The following TLL2 variants were observed in gnomAD, a reference collection of about 807,000 sequenced individuals.
TLL2 encodes tolloid-like protein 2.
TLL2 carries 106 observed loss-of-function variants against 123.0 expected under a neutral mutation model. That is an observed-to-expected ratio of 0.86 (90% CI 0.74 to 1.01). TLL2 has a LOEUF of 1.01. Among genes scored for constraint, TLL2 ranks in the 50% least tolerant of loss-of-function variants. The pLI is 0.00. For missense variants in TLL2, 1,332 were observed against 1,336.7 expected, an observed-to-expected ratio of 1.00 and a Z score of 0.06; for synonymous variants, 494 against 516.8, an observed-to-expected ratio of 0.96 and a Z score of 0.60.
At chr10:96,477,026 A>C (rs1323133675) in intron 2 of TLL2, among the ~76,000 whole-genome samples, 1 of 121,830 alleles carries the variant, frequency 8.2e-6, no homozygotes, top group Non-Finnish European at 1.6e-5. Flanking sequence ...ATTATGAGCT[A>C]CTGGACTTTT....
chr10:96,422,903 G>A (rs942225085), intron 5 of TLL2, among the ~76,000 whole-genome samples, 176 bp from the exon 6 acceptor site: 10 of 152,140 alleles, frequency 6.6e-5, no homozygotes, highest in Non-Finnish European at 1.3e-4. Context: ...CGAGGTGGGC[G>A]GATCACCTGA....
At chr10:96,485,994 G>C (rs1012083288) in intron 1 of TLL2, among the ~76,000 whole-genome samples, 1 of 152,182 alleles carries the variant, frequency 6.6e-6, no homozygotes, top group Non-Finnish European at 1.5e-5. Context: ...TGGGAGAAGG[G>C]AACAGATGAA....
chr10:96,400,135 T>C (rs1846379083), intron 10 of TLL2, among the ~76,000 whole-genome samples: 1 of 152,234 alleles, frequency 6.6e-6, no homozygotes. Flanking sequence ...TTATTGACTA[T>C]GTCTATGCCA....
intron 1 of TLL2, among the ~76,000 whole-genome samples, chr10:96,496,833 G>A (rs1236025582): frequency 6.6e-6 from 1 of 152,232 alleles, no homozygotes; most frequent in Non-Finnish European, 1.5e-5. Context: ...CCCACTCAAT[G>A]GGTGGTGCTT....
chr10:96,467,979 C>G (rs1004867383), intron 2 of TLL2, among the ~76,000 whole-genome samples: 3 of 152,116 alleles, frequency 2.0e-5, no homozygotes, highest in African/African-American at 7.2e-5. Flanking sequence ...AGTATTTTCC[C>G]ATGACAACAG....
intron 1 of TLL2, among the ~76,000 whole-genome samples, chr10:96,495,096 C>G (rs1227929483): frequency 1.3e-5 from 2 of 152,130 alleles, no homozygotes; most frequent in African/African-American, 4.8e-5. Context: ...CAAGCCACTC[C>G]AATAACTTCC....
At chr10:96,496,643 C>T (rs749466532) in intron 1 of TLL2, among the ~76,000 whole-genome samples, 21 of 152,350 alleles carry the variant, frequency 1.4e-4, no homozygotes, top group Non-Finnish European at 2.2e-4. Flanking sequence ...TGCATCAATA[C>T]ATTACAGAAA....
At chr10:96,423,417 G>A (rs781013876) in intron 5 of TLL2, among the ~76,000 whole-genome samples, 1 of 152,146 alleles carries the variant, frequency 6.6e-6, no homozygotes, top group Non-Finnish European at 1.5e-5. Flanking sequence ...TGTCTATAAT[G>A]CATGCAACTT....
intron 1 of TLL2, among the ~76,000 whole-genome samples, chr10:96,484,780 T>C (rs1847342343): frequency 1.3e-5 from 2 of 152,160 alleles, no homozygotes; most frequent in South Asian, 4.1e-4. Context: ...CAAATATAAT[T>C]TGAAATTTGA....
Position 96,368,181 on chromosome 10 carries a change from A to G in TLL2, c.2955T>C (p.Ile985=), listed in dbSNP as rs1172055041. The change falls in exon 21 of 21, where the codon ATT becomes ATC. Residue 985 remains isoleucine, a synonymous_variant. Transcript: ENST00000357947. ...TGATGGTGTCATCTGTGCGGAATCG[A>G]ATCATCAGGGAATCACCTGCAGAGT... ...EIYSAGDSLM[I]RFRTDDTINK... is the part of the protein sequence containing the mutation. The G allele has an allele frequency of 6.2e-7, 1 of 1,614,198 alleles. No homozygotes were observed. Among genetic ancestry groups the G allele is most frequent in the Non-Finnish European group, 8.5e-7 (1 of 1,180,040 alleles).
At chr10:96,430,710 T>C (rs1002156802) in intron 4 of TLL2, among the ~76,000 whole-genome samples, 3 of 152,030 alleles carry the variant, frequency 2.0e-5, no homozygotes, top group African/African-American at 7.2e-5. Context: ...ACCCTGTCTC[T>C]ACAAACACTT....
In TLL2 at chr10:96,513,700, G is replaced by A. The variant is rs111793048; in HGVS notation, c.-15C>T. 3.7e-3 allele frequency: 5,589 copies of A among 1,500,520 alleles called. 109 individuals are homozygous for A. The African/African-American group carries it at 0.056, about 15-fold the overall frequency. The allele number at this position is 1,500,520 out of a possible 1,614,324, so 93.0% of individuals were successfully genotyped here. On this transcript the variant is annotated 5_prime_UTR_variant, in exon 1 of 21. Coordinates refer to ENST00000357947, the MANE Select transcript of TLL2 (RefSeq NM_012465.4). ...GCCCGGGGCATGGTGGCGCGGGGCC[G>A]GCTGGGGCAGAGGGAGTTGCGTGCA... is the stretch of plus-strand genomic sequence containing the variant.
At chr10:96,494,634 T>C (rs926394193) in intron 1 of TLL2, among the ~76,000 whole-genome samples, 1 of 152,230 alleles carries the variant, frequency 6.6e-6, no homozygotes, top group Non-Finnish European at 1.5e-5. Flanking sequence ...TAATCACAAA[T>C]ATTCTGCAGT....
intron 2 of TLL2, among the ~76,000 whole-genome samples, chr10:96,468,309 A>C (rs986168909): frequency 2.6e-5 from 4 of 152,076 alleles, no homozygotes; most frequent in Non-Finnish European, 5.9e-5. Context: ...TAGCTGCCGG[A>C]GGCATTCAGT....
Position 96,451,296 on chromosome 10 carries a change from C to T in TLL2, c.287-5128G>A, listed in dbSNP as rs193066581. Among the ~76,000 whole-genome samples the T allele has an allele frequency of 4.8e-3, 736 of 152,290 alleles. 6 individuals carry two copies. The highest frequency in any genetic ancestry group is 5.2e-3 in the Non-Finnish European group (356 of 68,028). ...TTCTTTGGGAAAGCCCAATTTTCTTCCGCTCTCAACAAAAAGTGCCTTAAT... is the reference window on the plus strand; with the variant it reads ...TTCTTTGGGAAAGCCCAATTTTCTTTCGCTCTCAACAAAAAGTGCCTTAAT... On this transcript the variant is annotated intron_variant, in intron 2 of 20. Transcript: ENST00000357947.
chr10:96,423,225 T>A (rs1430942067), intron 5 of TLL2, among the ~76,000 whole-genome samples: 1 of 151,930 alleles, frequency 6.6e-6, no homozygotes, highest in Non-Finnish European at 1.5e-5. Context: ...AGAAATTCCC[T>A]CCAAAAATGG....
At chr10:96,371,320 CAAA>C (rs113456838) in intron 19 of TLL2, among the ~76,000 whole-genome samples, 20,589 of 115,674 alleles carry the variant, frequency 0.18, 1,457 homozygotes, top group South Asian at 0.27. Flanking sequence ...AACTCCGTAT[CAAA>C]AAAAAAAAAA....
intron 2 of TLL2, among the ~76,000 whole-genome samples, chr10:96,462,317 G>C (rs1256885166): frequency 6.6e-6 from 1 of 152,216 alleles, no homozygotes; most frequent in Non-Finnish European, 1.5e-5. Flanking sequence ...AAAACCTCCA[G>C]ACAGTGCAGA....
chr10:96,457,718 C>T (rs1847031415), intron 2 of TLL2, among the ~76,000 whole-genome samples: 1 of 152,070 alleles, frequency 6.6e-6, no homozygotes, highest in African/African-American at 2.4e-5. Context: ...GGAGATCAGA[C>T]CACAGCCTCC....
Sources: gnomAD v4.1 joint callset for allele counts (sites outside exome capture counted in the v4.1 genomes callset) on GRCh38, gnomAD v4.1.1 for gene constraint, MANE v1.5 for transcripts, NCBI Gene and HGNC (gene_info 2026-07-23, HGNC 2026-07-21) for gene names.